Variants in CNTN4 observed in about 807,000 individuals in gnomAD.
CNTN4 encodes the protein contactin 4.
A neutral mutation model predicts 122.5 loss-of-function variants in CNTN4; 77 were observed. The observed-to-expected ratio is 0.63, with a 90% confidence interval of 0.52 to 0.76. The LOEUF (loss-of-function observed/expected upper bound fraction) is 0.76, where lower values mean the gene tolerates loss of function less well. Ranked by LOEUF, CNTN4 falls within the 30% of genes least tolerant of loss-of-function variation. The probability of loss-of-function intolerance (pLI) is 0.00; values close to 1 mark genes in which losing one functional copy is unlikely to be tolerated. For synonymous variants in CNTN4, 512 were observed against 447.0 expected, an observed-to-expected ratio of 1.15 and a Z score of -1.83; for missense variants, 1,256 against 1,259.1, an observed-to-expected ratio of 1.00 and a Z score of 0.04.
At chr3:2,428,888 A>C (rs2047948770) in intron 3 of CNTN4, among the ~76,000 whole-genome samples, 1 of 152,170 alleles carries the variant, frequency 6.6e-6, no homozygotes, top group Admixed American at 6.5e-5. Flanking sequence ...TTATGCATGC[A>C]TCAGGTAGTA....
At chr3:2,170,803 C>G (rs2036468978) in intron 2 of CNTN4, among the ~76,000 whole-genome samples, 1 of 151,760 alleles carries the variant, frequency 6.6e-6, no homozygotes, top group Non-Finnish European at 1.5e-5. Flanking sequence ...GTAGATGGAT[C>G]AATAGAAATA....
At chr3:2,383,156 A>G (rs1000509340) in intron 3 of CNTN4, among the ~76,000 whole-genome samples, 6 of 152,336 alleles carry the variant, frequency 3.9e-5, no homozygotes, top group Non-Finnish European at 7.4e-5. Flanking sequence ...TAAAAGTCCA[A>G]GGAGGCAATA....
intron 4 of CNTN4, among the ~76,000 whole-genome samples, chr3:2,661,539 G>A (rs968001393): frequency 1.3e-4 from 19 of 151,628 alleles, no homozygotes; most frequent in Admixed American, 4.6e-4. Flanking sequence ...CTGGCCAGGC[G>A]TGGTGGCTCG....
intron 11 of CNTN4, 119 bp from the exon 12 acceptor site, chr3:2,902,757 T>G: frequency 9.9e-7 from 1 of 1,014,518 alleles, no homozygotes. Flanking sequence ...TTATGTAAAT[T>G]GCTTATATGA....
At chr3:2,459,193 C>G (rs1037131002) in intron 3 of CNTN4, among the ~76,000 whole-genome samples, 1 of 152,096 alleles carries the variant, frequency 6.6e-6, no homozygotes, top group African/African-American at 2.4e-5. Context: ...TAACACTTTC[C>G]TAGGAAGATC....
At chr3:2,570,141 G>C (rs2079356726) in intron 3 of CNTN4, among the ~76,000 whole-genome samples, 1 of 152,006 alleles carries the variant, frequency 6.6e-6, no homozygotes, top group African/African-American at 2.4e-5. Flanking sequence ...AGCACCAGAG[G>C]GAAATTTGGC....
chr3:2,758,564 G>A lies in CNTN4; in HGVS notation c.358+12867G>A, dbSNP rs548228661. Reference sequence around the variant, plus strand: ...ACGGAGTCTCCCTCTGTCTGCTGGCGTGCAGTGGCGGGATCTCGGCTCACC... The same window carrying A: ...ACGGAGTCTCCCTCTGTCTGCTGGCATGCAGTGGCGGGATCTCGGCTCACC... On this transcript the variant is annotated intron_variant, in intron 6 of 24. Coordinates refer to ENST00000418658, the MANE Select transcript of CNTN4 (RefSeq NM_175607.3). 1.1e-3 allele frequency among the ~76,000 whole-genome samples: 139 copies of A among 131,742 alleles called. No homozygotes were observed. The Middle Eastern group carries it at 0.021, about 20-fold the overall frequency. The allele number at this position is 131,742 out of a possible 152,430, so 86.4% of individuals were successfully genotyped here.
At position 2,259,792 on chromosome 3, in the gene CNTN4, C is replaced by T. The variant is rs183492349; in HGVS notation, c.-144-79386C>T. On this transcript the variant is annotated intron_variant, in intron 2 of 24. Transcript: ENST00000418658. ...TTCAAGATGAGATTTGGGCGGGGGACGCAGCCAAATGATATCAGCTCGTGA... is the reference window on the plus strand; with the variant it reads ...TTCAAGATGAGATTTGGGCGGGGGATGCAGCCAAATGATATCAGCTCGTGA... Among the ~76,000 whole-genome samples, 21 of 152,242 alleles carry T rather than the reference C, an allele frequency of 1.4e-4. 1 individual carries two copies. The highest frequency in any genetic ancestry group is 2.1e-4 in the South Asian group (1 of 4,820).
intron 2 of CNTN4, among the ~76,000 whole-genome samples, chr3:2,195,505 G>C (rs1406428581): frequency 1.3e-5 from 2 of 152,102 alleles, no homozygotes; most frequent in African/African-American, 4.8e-5. Flanking sequence ...CCTCCATATT[G>C]TTTTCCTTAA....
chr3:2,758,304 C>T (rs927716345), intron 6 of CNTN4, among the ~76,000 whole-genome samples: 2 of 152,046 alleles, frequency 1.3e-5, no homozygotes, highest in Middle Eastern at 3.2e-3. Context: ...CTGAATGAAC[C>T]AATGAAGGAA....
At chr3:2,667,516 A>G (rs2084241050) in intron 4 of CNTN4, among the ~76,000 whole-genome samples, 1 of 152,094 alleles carries the variant, frequency 6.6e-6, no homozygotes, top group African/African-American at 2.4e-5. Flanking sequence ...AGTAGATTAC[A>G]AAAATTTTCT....
In CNTN4 at chr3:2,971,374, A is replaced by G. The variant is rs188215798; in HGVS notation, c.1359-16971A>G. ...TGTCTATCTATCTATCTATCTATAT[A>G]TATATATATTTGGCCTTTCTTATTG... is the stretch of plus-strand genomic sequence containing the variant. On this transcript the variant is annotated intron_variant, in intron 13 of 24. Transcript: ENST00000418658. Among the ~76,000 whole-genome samples, 168 of 152,118 alleles carry G rather than the reference A, an allele frequency of 1.1e-3. 1 individual carries two copies. The highest frequency in any genetic ancestry group is 3.9e-3 in the African/African-American group (160 of 41,482).
chr3:2,456,872 T>G (rs1447329705), intron 3 of CNTN4, among the ~76,000 whole-genome samples: 1 of 152,168 alleles, frequency 6.6e-6, no homozygotes, highest in East Asian at 1.9e-4. Flanking sequence ...TTCCATTCTT[T>G]GGGAGCTACA....
chr3:2,753,574 T>G (rs2090198372), intron 6 of CNTN4, among the ~76,000 whole-genome samples: 1 of 152,210 alleles, frequency 6.6e-6, no homozygotes, highest in Non-Finnish European at 1.5e-5. Flanking sequence ...AGGAACCTGG[T>G]CACCTGAGTC....
chr3:2,688,099 T>C (rs778272925), intron 4 of CNTN4, among the ~76,000 whole-genome samples: 1 of 152,198 alleles, frequency 6.6e-6, no homozygotes, highest in Non-Finnish European at 1.5e-5. Context: ...AATAAAAATC[T>C]GTAACTACTT....
intron 23 of CNTN4, 115 bp from the exon 24 acceptor site, chr3:3,053,692 A>G (rs539709905): frequency 3.9e-6 from 4 of 1,026,182 alleles, no homozygotes; most frequent in African/African-American, 1.6e-5. Context: ...GGGCAGCCAG[A>G]CAACCTCTAC....
intron 2 of CNTN4, among the ~76,000 whole-genome samples, chr3:2,227,699 A>G (rs1191264453): frequency 1.3e-5 from 2 of 152,296 alleles, no homozygotes; most frequent in East Asian, 3.9e-4. Context: ...TAATTCCATT[A>G]TAATTAACAT....
At chr3:2,728,320 C>G (rs139450924) in intron 4 of CNTN4, among the ~76,000 whole-genome samples, 5,738 of 152,202 alleles carry the variant, frequency 0.038, 152 homozygotes, top group Non-Finnish European at 0.054. Flanking sequence ...ATGCATTTCC[C>G]TAATCATTAG....
intron 6 of CNTN4, among the ~76,000 whole-genome samples, chr3:2,760,124 G>A (rs1335409219): frequency 6.6e-6 from 1 of 152,110 alleles, no homozygotes. Flanking sequence ...TCTATTTACT[G>A]GGTTGTATTT....
Sources: allele counts gnomAD v4.1 joint callset (sites outside exome capture counted in the v4.1 genomes callset), GRCh38; gene constraint gnomAD v4.1.1; transcripts MANE v1.5; gene names NCBI Gene and HGNC (gene_info 2026-07-23, HGNC 2026-07-21).